SH3KBP1: variants seen among roughly 807,000 people sequenced by gnomAD.
SH3KBP1 encodes SH3 domain-containing kinase-binding protein 1.
Under a neutral mutation model 50.1 loss-of-function variants are expected in SH3KBP1, and 8 were observed. That is an observed-to-expected ratio of 0.16 (90% confidence interval 0.09 to 0.29). The LOEUF is 0.29. Among genes scored for constraint, SH3KBP1 ranks in the 10% least tolerant of loss-of-function variants. The pLI is 1.00. For missense variants in SH3KBP1, 377 were observed against 535.2 expected (o/e 0.70, Z 2.92); for synonymous variants, 227 against 218.6 (o/e 1.04, Z -0.34).
At chrX:19,544,144 G>A (rs769460719) in intron 15 of SH3KBP1, among the ~76,000 whole-genome samples, 1 of 110,956 alleles carries the variant, frequency 9.0e-6, no homozygotes, top group Non-Finnish European at 1.9e-5. Flanking sequence ...GCCAAAAGCA[G>A]ATGGGCCATC....
At chrX:19,594,625 T>C (rs1469412812) in intron 10 of SH3KBP1, among the ~76,000 whole-genome samples, 1 of 111,654 alleles carries the variant, frequency 9.0e-6, no homozygotes, top group African/African-American at 3.3e-5. Flanking sequence ...ATTCAGTTCT[T>C]TTCTCCTCAA....
At chrX:19,851,093 T>C (rs2068496393) in intron 1 of SH3KBP1, among the ~76,000 whole-genome samples, 1 of 111,502 alleles carries the variant, frequency 9.0e-6, no homozygotes, top group African/African-American at 3.3e-5. Context: ...GGTGACTCTA[T>C]GTACCCCTAC....
intron 6 of SH3KBP1, among the ~76,000 whole-genome samples, chrX:19,682,323 A>G (rs767930970): frequency 9.9e-6 from 1 of 100,506 alleles, no homozygotes; most frequent in East Asian, 3.0e-4. Context: ...AATAGCAATA[A>G]TAAGAGTCAT....
At chrX:19,575,100 G>A (rs1433563181) in intron 12 of SH3KBP1, among the ~76,000 whole-genome samples, 1 of 112,534 alleles carries the variant, frequency 8.9e-6, no homozygotes, top group Non-Finnish European at 1.9e-5. Flanking sequence ...ACGGCTATCA[G>A]TGGAAAACTG....
chrX:19,843,199 T>C (rs1199340697), intron 1 of SH3KBP1, among the ~76,000 whole-genome samples: 2 of 108,070 alleles, frequency 1.9e-5, no homozygotes, highest in Non-Finnish European at 3.8e-5. Flanking sequence ...TTGTATTTTT[T>C]AGTAGAGAAG....
intron 2 of SH3KBP1, among the ~76,000 whole-genome samples, chrX:19,811,988 G>A (rs746900816): frequency 2.7e-5 from 3 of 111,920 alleles, no homozygotes; most frequent in Non-Finnish European, 5.6e-5. Flanking sequence ...CATTGGCACA[G>A]TTCCTCCCGC....
At chrX:19,795,738 T>A (rs2066690076) in intron 2 of SH3KBP1, among the ~76,000 whole-genome samples, 2 of 111,994 alleles carry the variant, frequency 1.8e-5, no homozygotes, top group Admixed American at 1.9e-4. Flanking sequence ...GCTATCAGTT[T>A]CTGTTGTACT....
chrX:19,695,797 T>C (rs2063402253), intron 4 of SH3KBP1, 56 bp from the exon 5 acceptor site: 1 of 1,164,250 alleles, frequency 8.6e-7, no homozygotes. Flanking sequence ...GACATGGTGG[T>C]TTCCAATTTT....
At chrX:19,552,556 G>A in intron 13 of SH3KBP1, among the ~76,000 whole-genome samples, 2 of 110,639 alleles carry the variant, frequency 1.8e-5, no homozygotes, top group Non-Finnish European at 3.8e-5. Flanking sequence ...TAGCTACCAG[G>A]GGCAGAGCTG....
At chrX:19,868,282 G>C (rs1418240514) in intron 1 of SH3KBP1, among the ~76,000 whole-genome samples, 5 of 111,789 alleles carry the variant, frequency 4.5e-5, no homozygotes, top group African/African-American at 6.5e-5. Context: ...GAAGCTACAA[G>C]TACAACAGTG....
chrX:19,709,228 A>C (rs958516477), intron 3 of SH3KBP1, among the ~76,000 whole-genome samples: 1 of 111,913 alleles, frequency 8.9e-6, no homozygotes, highest in African/African-American at 3.3e-5. Flanking sequence ...TTGGTAGCAT[A>C]AAGTCCTACA....
intron 1 of SH3KBP1, among the ~76,000 whole-genome samples, chrX:19,871,428 T>A (rs901074859): frequency 4.4e-5 from 5 of 112,796 alleles, no homozygotes; most frequent in African/African-American, 1.6e-4. Flanking sequence ...TCAGGTTATG[T>A]TCACAATTTG....
At position 19,848,280 on chromosome X, in the gene SH3KBP1, C is replaced by T. The variant is rs147871456; in HGVS notation, c.5-11998G>A. Among the ~76,000 whole-genome samples the T allele has an allele frequency of 2.7e-5, 3 of 111,611 alleles. No individual in the cohort carries two copies. In the East Asian group the frequency reaches 8.4e-4, roughly 31 times the overall value. ...TGTCACACCAAGAAAGCAAGGAGGCCAGCAAACACTACTAGGGTCATGTCA... is the reference window on the plus strand; with the variant it reads ...TGTCACACCAAGAAAGCAAGGAGGCTAGCAAACACTACTAGGGTCATGTCA... On this transcript the variant is annotated intron_variant, in intron 1 of 17. Coordinates refer to ENST00000397821, the MANE Select transcript of SH3KBP1 (RefSeq NM_031892.3).
In SH3KBP1 at chrX:19,632,253, G is replaced by A. The variant is rs995024574; in HGVS notation, c.803-295C>T. On this transcript the variant is annotated intron_variant, in intron 7 of 17. Coordinates refer to ENST00000397821, the MANE Select transcript of SH3KBP1 (RefSeq NM_031892.3). ...AAGGTAAAAAGGTTTCCTTACTCAG[G>A]AAAACAGACATATACCATTTTATAT... Among the ~76,000 whole-genome samples the A allele has an allele frequency of 1.7e-4, 19 of 111,533 alleles. 1 individual carries two copies. Among genetic ancestry groups the A allele is most frequent in the African/African-American group, 6.2e-4 (19 of 30,616 alleles).
intron 3 of SH3KBP1, among the ~76,000 whole-genome samples, chrX:19,725,731 C>T (rs1473260222): frequency 9.0e-6 from 1 of 111,527 alleles, no homozygotes; most frequent in Non-Finnish European, 1.9e-5. Context: ...AAGAGAGGTC[C>T]CCTGCACTTC....
At chrX:19,561,488 A>G (rs1202451394) in intron 13 of SH3KBP1, among the ~76,000 whole-genome samples, 2 of 112,053 alleles carry the variant, frequency 1.8e-5, no homozygotes, top group African/African-American at 6.5e-5. Context: ...TGGACACTTA[A>G]GTTTTTACCT....
Position 19,547,458 on chromosome X carries a change from C to A in SH3KBP1, c.1495-1408G>T, listed in dbSNP as rs1041899837. Among the ~76,000 whole-genome samples, 5 of 111,796 alleles carry A rather than the reference C, an allele frequency of 4.5e-5. No homozygotes were observed. In the East Asian group the frequency reaches 1.4e-3, roughly 31 times the overall value. The stretch of plus-strand genomic sequence containing the variant: ...TTCTTCTGTTTACTTAAGGCAGAAA[C>A]CTAATGCATTTTAGGGAATTTTTAA... On this transcript the variant is annotated intron_variant, in intron 14 of 17. Coordinates refer to ENST00000397821, the MANE Select transcript of SH3KBP1 (RefSeq NM_031892.3).
intron 2 of SH3KBP1, among the ~76,000 whole-genome samples, chrX:19,778,562 G>A (rs780909548): frequency 1.2e-4 from 13 of 110,772 alleles, no homozygotes; most frequent in South Asian, 7.7e-4. Flanking sequence ...CACAAGTCCC[G>A]ACCTCTTCAC....
intron 5 of SH3KBP1, among the ~76,000 whole-genome samples, chrX:19,686,817 G>A (rs766196661): frequency 9.0e-5 from 10 of 111,273 alleles, no homozygotes; most frequent in African/African-American, 2.9e-4. Context: ...ACACAAAGGT[G>A]GATGCTTTTC....
Sources: gnomAD v4.1 joint callset for allele counts (sites outside exome capture counted in the v4.1 genomes callset) on GRCh38, gnomAD v4.1.1 for gene constraint, MANE v1.5 for transcripts, NCBI Gene and HGNC (gene_info 2026-07-23, HGNC 2026-07-21) for gene names.